The following SFTPB variants were observed in gnomAD, a reference collection of about 807,000 sequenced individuals.
The protein encoded by SFTPB is surfactant protein B.
A neutral mutation model predicts 51.0 loss-of-function variants in SFTPB; 32 were observed. The observed-to-expected ratio is 0.63, with a 90% CI of 0.47 to 0.84. The LOEUF (loss-of-function observed/expected upper bound fraction) is 0.84, where lower values mean the gene tolerates loss of function less well. SFTPB is among the 40% of genes least tolerant of loss of function. The pLI, the probability that SFTPB is intolerant of heterozygous loss-of-function variation, is 0.00. For missense variants in SFTPB, 431 were observed against 491.2 expected (o/e 0.88, Z 1.16); for synonymous variants, 211 against 208.5 (o/e 1.01, Z -0.10).
chr2:85,666,860 C>T lies in SFTPB; in HGVS notation c.268-118G>A. ...CCTAATCCCCCAGGGTGCTGGAGTT[C>T]ACGAGTGCCAAGGAGTTAAGTAGTT... On this transcript the variant is annotated intron_variant, in intron 3 of 10. Transcript: ENST00000519937. 3.6e-6 allele frequency: 5 copies of T among 1,382,778 alleles called. 1 individual carries two copies. The South Asian group carries it at 5.9e-5, about 16-fold the overall frequency. 85.7% of individuals were successfully genotyped at this position (1,382,778 alleles called of 1,614,324 possible).
rs1363991756 is a variant in SFTPB at position 85,666,751 on chromosome 2, C to A, written c.268-9G>T. 1 of 1,613,630 alleles carries A rather than the reference C, an allele frequency of 6.2e-7. No homozygotes were observed. Among genetic ancestry groups the A allele is most frequent in the East Asian group, 2.2e-5 (1 of 44,860 alleles). ...AACTTCCTCATCGTGTCCTGGGAGG[C>A]CAGAGGGGGCCGTCAGCTGGGCCTC... On this transcript the variant is annotated splice_polypyrimidine_tract_variant and intron_variant, in intron 3 of 10. Transcript: ENST00000519937.
chr2:85,663,695 G>A lies in SFTPB; in HGVS notation c.825C>T (p.Leu275=), dbSNP rs1677430970. The A allele has an allele frequency of 1.2e-6, 2 of 1,612,880 alleles. No homozygotes were observed. The highest frequency in any genetic ancestry group is 8.5e-7 in the Non-Finnish European group (1 of 1,179,608). The change falls in exon 7 of 11, where the codon CTC becomes CTT. Residue 275 remains leucine, a synonymous_variant. Transcript: ENST00000519937. ...CAGCGCTGTCATCCATGGAGCACCG[G>A]AGGACGAGGCGGCAGACCAGCTGGG... The part of the protein sequence containing the change: ...MLPQLVCRLV[L]RCSMDDSAGP...
intron 10 of SFTPB, chr2:85,661,211 A>C: frequency 3.0e-5 from 9 of 301,444 alleles, no homozygotes; most frequent in East Asian, 6.3e-5. Context: ...TTGGGGGGGA[A>C]GCTGGGGGTT....
chr2:85,667,965 A>G, intron 1 of SFTPB, 152 bp downstream of exon 1: 2 of 1,180,814 alleles, frequency 1.7e-6, no homozygotes, highest in South Asian at 1.4e-5. Context: ...TGGACCCGCC[A>G]GCTGTGTGAC....
At chr2:85,665,209 A>T in intron 6 of SFTPB, 80 bp downstream of exon 6, 1 of 1,073,396 alleles carries the variant, frequency 9.3e-7, no homozygotes, top group South Asian at 1.2e-5. Context: ...CGGGGGTGTG[A>T]GTTGGGAGAG....
At chr2:85,667,926 G>GT in intron 1 of SFTPB, 120 bp from the exon 2 acceptor site, 1 of 1,433,010 alleles carries the variant, frequency 7.0e-7, no homozygotes, top group South Asian at 1.2e-5. Flanking sequence ...ACATGTGGAC[G>GT]TCAGACAGCT....
intron 8 of SFTPB, chr2:85,662,408 C>T (rs1455887886): frequency 4.5e-5 from 32 of 714,898 alleles, no homozygotes; most frequent in Non-Finnish European, 6.2e-5. Context: ...GGAAACTTAA[C>T]GTTCATCTGG....
chr2:85,668,570 C>A (rs1328063347), upstream of SFTPB: 2 of 307,032 alleles, frequency 6.5e-6, no homozygotes, highest in South Asian at 1.1e-4. Flanking sequence ...GCCTCCCAGG[C>A]CCCCTCTACT....
rs988394080 is a variant in SFTPB, at chr2:85,661,499, G to A, written c.1120C>T (p.Gln374Ter). 3.8e-5 allele frequency: 61 copies of A among 1,612,106 alleles called. No individual in the cohort carries two copies. Among genetic ancestry groups the A allele is most frequent in the Admixed American group, 6.7e-5 (4 of 59,782 alleles). ...GVCGTMSSPL[Q>*]CIHSPDL is the part of the protein sequence containing the mutation. ...CAAAGGTCGGGGCTGTGGATACACT[G>A]GAGAGGGCTGGACATGGTCCCACAC... The change falls in exon 10 of 11, where the codon CAG becomes TAG. Residue 374 changes from glutamine (Q) to a stop codon, truncating the protein, a stop_gained. Coordinates refer to ENST00000519937, the MANE Select transcript of SFTPB (RefSeq NM_000542.5). LOFTEE classifies it high-confidence loss of function.
At chr2:85,664,280 C>T (rs572539412) in intron 6 of SFTPB, among the ~76,000 whole-genome samples, 3 of 152,146 alleles carry the variant, frequency 2.0e-5, no homozygotes, top group Non-Finnish European at 4.4e-5. Flanking sequence ...CAGCTGCTGG[C>T]ATTACAGAGG....
rs769758832 is a variant in SFTPB, at chr2:85,663,362, C to T, written c.986G>A (p.Trp329Ter). The T allele has an allele frequency of 1.2e-6, 2 of 1,612,966 alleles. No individual in the cohort carries two copies. Among genetic ancestry groups the T allele is most frequent in the South Asian group, 2.2e-5 (2 of 91,092 alleles). ...QAMLQACVGS[W>*]LDREKCKQFV... is the part of the protein sequence containing the mutation. Reference sequence around the variant, plus strand: ...AGCCCATACCTTTTCCCTGTCCAGCCAGGAGCCAACACAGGCCTGGAGCAT... The same window carrying T: ...AGCCCATACCTTTTCCCTGTCCAGCTAGGAGCCAACACAGGCCTGGAGCAT... Residue 329 changes from tryptophan to a stop codon, truncating the protein, a stop_gained, in exon 8 of 11, where the codon TGG becomes TAG. Transcript: ENST00000519937. LOFTEE classifies it high-confidence loss of function.
In SFTPB at chr2:85,667,665, T is replaced by A; in HGVS notation, c.195+14A>T. On this transcript the variant is annotated intron_variant, in intron 2 of 10. Coordinates refer to ENST00000519937, the MANE Select transcript of SFTPB (RefSeq NM_000542.5). ...TCAGACCCCCAGTTGCCATGCATCC[T>A]TGGTGGTACTCACGGCTCCCACATG... The A allele has an allele frequency of 6.2e-7, 1 of 1,614,202 alleles. No individual in the cohort carries two copies. The highest frequency in any genetic ancestry group is 8.5e-7 in the Non-Finnish European group (1 of 1,180,026).
Position 85,665,381 on chromosome 2 carries a change from G to T in SFTPB, c.583-3C>A. On this transcript the variant is annotated splice_polypyrimidine_tract_variant and splice_region_variant and intron_variant, in intron 5 of 10. Coordinates refer to ENST00000519937, the MANE Select transcript of SFTPB (RefSeq NM_000542.5). ...GGGAATTGCTGCTCGGAGAGATCCT[G>T]GGGAAAGAATCAGGTGGAGGCCAGG... 6.2e-7 allele frequency: 1 copy of T among 1,613,144 alleles called. No individual in the cohort carries two copies. Among genetic ancestry groups the T allele is most frequent in the Non-Finnish European group, 8.5e-7 (1 of 1,179,120 alleles).
intron 9 of SFTPB, 144 bp from the exon 10 acceptor site, chr2:85,661,679 C>G: frequency 1.4e-6 from 1 of 697,538 alleles, no homozygotes; most frequent in Non-Finnish European, 2.5e-6. Context: ...GGGCCACTCC[C>G]TGAGCCACAG....
At chr2:85,666,594 G>C in intron 4 of SFTPB, 23 bp downstream of exon 4, 1 of 1,611,838 alleles carries the variant, frequency 6.2e-7, no homozygotes, top group Non-Finnish European at 8.5e-7. Flanking sequence ...GAGGCAGGCA[G>C]GAGGTGAGCT....
At position 85,666,482 on chromosome 2, in the gene SFTPB, C is replaced by T. The variant is rs569933272; in HGVS notation, c.393+135G>A. 2,345 of 796,572 alleles carry T rather than the reference C, an allele frequency of 2.9e-3. 16 individuals are homozygous for T. The highest frequency in any genetic ancestry group is 3.6e-3 in the Middle Eastern group (10 of 2,816). 49.3% of individuals were successfully genotyped at this position (796,572 alleles called of 1,614,324 possible). On this transcript the variant is annotated intron_variant, in intron 4 of 10. Transcript: ENST00000519937. ...GGGGTGCTGTGTGTTTGTGTCTGGC[C>T]GGCTTGGGTGCTGTGTGTGTGTGTG...
chr2:85,663,290 C>T, intron 8 of SFTPB, 56 bp downstream of exon 8: 2 of 1,600,716 alleles, frequency 1.2e-6, no homozygotes, highest in Non-Finnish European at 1.7e-6. Context: ...TTCCTGGGCT[C>T]AGCCTTCTGC....
At chr2:85,663,601 C>A (rs970200360) in intron 7 of SFTPB, 63 bp downstream of exon 7, 1 of 1,593,688 alleles carries the variant, frequency 6.3e-7, no homozygotes, top group African/African-American at 1.3e-5. Context: ...GAGGGTCATG[C>A]AGTGGCAGGG....
At chr2:85,661,432 G>T in intron 10 of SFTPB, 22 bp downstream of exon 10, 1 of 1,558,180 alleles carries the variant, frequency 6.4e-7, no homozygotes, top group Non-Finnish European at 8.8e-7. Flanking sequence ...TTACCTCCCC[G>T]CAACTGGGGG....
Sources: allele counts gnomAD v4.1 joint callset (sites outside exome capture counted in the v4.1 genomes callset), GRCh38; gene constraint gnomAD v4.1.1; transcripts MANE v1.5; gene names NCBI Gene and HGNC (gene_info 2026-07-23, HGNC 2026-07-21).